FMN1: variants seen among roughly 807,000 people sequenced by gnomAD.
FMN1 encodes the protein formin 1.
FMN1 carries 110 observed loss-of-function variants against 132.4 expected under a neutral mutation model. The observed-to-expected ratio is 0.83, with a 90% CI of 0.71 to 0.97. FMN1 has a LOEUF of 0.97. FMN1 is among the 50% of genes least tolerant of loss of function. The pLI is 0.00. For synonymous variants in FMN1, 722 were observed against 651.7 expected (o/e 1.11, Z -1.64); for missense variants, 1,792 against 1,705.3 (o/e 1.05, Z -0.90).
chr15:32,779,907 G>GA (rs1281591001), intron 19 of FMN1, among the ~76,000 whole-genome samples: 1 of 152,130 alleles, frequency 6.6e-6, no homozygotes, highest in Non-Finnish European at 1.5e-5. Flanking sequence ...AAAATCACAG[G>GA]AATCAGAGGC....
intron 4 of FMN1, among the ~76,000 whole-genome samples, chr15:33,128,679 A>G (rs1963366800): frequency 6.6e-6 from 1 of 152,168 alleles, no homozygotes; most frequent in Non-Finnish European, 1.5e-5. Flanking sequence ...TTGTAGTCTC[A>G]CTGACTTCAC....
Position 32,852,211 on chromosome 15 carries a change from C to A in FMN1, c.3928+4804G>T, listed in dbSNP as rs141609719. ...TAAAGTTGACCTCACTGTCTTCCAT[C>A]TCAAATCTAGTCTTATCAGTATCCA... On this transcript the variant is annotated intron_variant, in intron 17 of 20. Transcript: ENST00000616417. 3.3e-4 allele frequency among the ~76,000 whole-genome samples: 50 copies of A among 152,286 alleles called. 1 individual carries two copies. In the East Asian group the frequency reaches 9.6e-3, roughly 29 times the overall value.
At chr15:32,891,218 A>G (rs1354224388) in intron 15 of FMN1, among the ~76,000 whole-genome samples, 3 of 152,160 alleles carry the variant, frequency 2.0e-5, no homozygotes, top group African/African-American at 7.2e-5. Flanking sequence ...GGCTCCCGCC[A>G]CGTGGGTTCT....
At chr15:32,971,127 G>A (rs1307530669) in intron 7 of FMN1, among the ~76,000 whole-genome samples, 2 of 152,166 alleles carry the variant, frequency 1.3e-5, no homozygotes, top group African/African-American at 2.4e-5. Flanking sequence ...CAAGTGTAAA[G>A]TATAAATAAT....
At chr15:33,050,335 G>T (rs936989702) in intron 6 of FMN1, among the ~76,000 whole-genome samples, 3 of 152,084 alleles carry the variant, frequency 2.0e-5, no homozygotes, top group Non-Finnish European at 4.4e-5. Context: ...AAGACACCAT[G>T]AAAGAAGAGT....
At chr15:33,125,700 G>A (rs1962992909) in intron 4 of FMN1, among the ~76,000 whole-genome samples, 2 of 86,356 alleles carry the variant, frequency 2.3e-5, no homozygotes. Context: ...TTAGTCAGGT[G>A]TCTCAAAAAA....
intron 6 of FMN1, among the ~76,000 whole-genome samples, chr15:33,040,424 A>C (rs2036378073): frequency 6.6e-6 from 1 of 152,180 alleles, no homozygotes; most frequent in Non-Finnish European, 1.5e-5. Context: ...AAAAACAACA[A>C]AACAGAAAAA....
At chr15:33,082,524 T>C (rs1442547210) in intron 5 of FMN1, among the ~76,000 whole-genome samples, 3 of 152,170 alleles carry the variant, frequency 2.0e-5, no homozygotes, top group Non-Finnish European at 4.4e-5. Context: ...CTATTCTCCA[T>C]GGTGAGCATT....
intron 7 of FMN1, among the ~76,000 whole-genome samples, chr15:32,975,690 A>C (rs1279758828): frequency 1.3e-5 from 2 of 152,180 alleles, no homozygotes; most frequent in Non-Finnish European, 2.9e-5. Flanking sequence ...TAGTTTTAAT[A>C]ATTCAAAATA....
intron 17 of FMN1, 72 bp from the exon 18 acceptor site, chr15:32,804,404 T>A (rs2057587698): frequency 2.0e-6 from 1 of 503,980 alleles, no homozygotes; most frequent in Non-Finnish European, 3.3e-6. Flanking sequence ...CAGCTTCAAT[T>A]ACACCCATTC....
chr15:32,804,220 A>C, intron 18 of FMN1, 61 bp downstream of exon 18: 1 of 1,205,824 alleles, frequency 8.3e-7, no homozygotes, highest in South Asian at 1.4e-5. Flanking sequence ...GCACTTCATA[A>C]TAATAATACA....
chr15:33,191,105 G>T (rs945844747), intron 2 of FMN1, among the ~76,000 whole-genome samples: 2 of 151,396 alleles, frequency 1.3e-5, no homozygotes, highest in Non-Finnish European at 2.9e-5. Flanking sequence ...GGGAGGCGGA[G>T]CTTGCAGTGT....
intron 4 of FMN1, among the ~76,000 whole-genome samples, chr15:33,145,958 T>C (rs6494897): frequency 0.3 from 45,155 of 151,184 alleles, 7,045 homozygotes; most frequent in Middle Eastern, 0.38. Flanking sequence ...TTATTGTGAA[T>C]AAAACCGTAT....
chr15:33,029,712 G>A (rs1297229140), intron 6 of FMN1, among the ~76,000 whole-genome samples: 1 of 151,952 alleles, frequency 6.6e-6, no homozygotes, highest in Non-Finnish European at 1.5e-5. Flanking sequence ...GTGTCTCAGA[G>A]AAGGAAGTGA....
chr15:33,087,925 C>T (rs904116774), intron 5 of FMN1, among the ~76,000 whole-genome samples: 5 of 152,006 alleles, frequency 3.3e-5, no homozygotes, highest in African/African-American at 1.2e-4. Context: ...TGGGTAAAAT[C>T]GGAGACTATT....
At chr15:33,069,977 T>TA (rs1292502088) in intron 5 of FMN1, among the ~76,000 whole-genome samples, 1 of 139,902 alleles carries the variant, frequency 7.1e-6, no homozygotes, top group East Asian at 2.4e-4. Context: ...CAACAGATCA[T>TA]AAGATCAGTC....
intron 7 of FMN1, among the ~76,000 whole-genome samples, chr15:32,987,797 A>G (rs888933014): frequency 6.6e-6 from 1 of 152,184 alleles, no homozygotes; most frequent in African/African-American, 2.4e-5. Flanking sequence ...ATATTTACCT[A>G]TGAAGAAACA....
intron 5 of FMN1, among the ~76,000 whole-genome samples, chr15:33,086,831 T>G (rs2038715365): frequency 6.6e-6 from 1 of 152,218 alleles, no homozygotes; most frequent in Admixed American, 6.5e-5. Flanking sequence ...TTTCTAAACC[T>G]CCTTTTGTAA....
rs377728426 is a variant in FMN1, at chr15:32,900,092, A to G, written c.3541T>C (p.Leu1181=). 1.2e-6 allele frequency: 2 copies of G among 1,613,788 alleles called. No individual in the cohort carries two copies. Among genetic ancestry groups the G allele is most frequent in the African/African-American group, 2.7e-5 (2 of 74,930 alleles). Reference sequence around the variant, plus strand: ...TTTCCAAAAGCCAAGATGAGAGCTAAAATATCCTTCACGCTCTTCACGTGC... The same window carrying G: ...TTTCCAAAAGCCAAGATGAGAGCTAGAATATCCTTCACGCTCTTCACGTGC... The part of the protein sequence containing the change: ...LLHVKSVKDI[L]ALILAFGNYM... Residue 1181 remains leucine (L), a synonymous_variant, in exon 14 of 21, where the codon TTA becomes CTA. Transcript: ENST00000616417.
Sources: gnomAD v4.1 joint callset for allele counts (sites outside exome capture counted in the v4.1 genomes callset) on GRCh38, gnomAD v4.1.1 for gene constraint, MANE v1.5 for transcripts, NCBI Gene and HGNC (gene_info 2026-07-23, HGNC 2026-07-21) for gene names.